RANBP17: variants seen among roughly 807,000 people sequenced by gnomAD.
The protein encoded by RANBP17 is RAN binding protein 17.
Under a neutral mutation model 141.2 loss-of-function variants are expected in RANBP17, and 158 were observed. The ratio of observed to expected loss-of-function variants is 1.12; its 90% CI spans 0.98 to 1.28. The LOEUF is 1.28. Among genes scored for constraint, RANBP17 ranks in the 50% most tolerant of loss-of-function variants. The probability of loss-of-function intolerance (pLI) is 0.00; values close to 1 mark genes in which losing one functional copy is unlikely to be tolerated. For synonymous variants in RANBP17, 430 were observed against 450.0 expected (o/e 0.96, Z 0.56); for missense variants, 1,438 against 1,290.7 (o/e 1.11, Z -1.75).
intron 5 of RANBP17, among the ~76,000 whole-genome samples, chr5:170,904,857 G>A (rs569050385): frequency 6.6e-6 from 1 of 152,058 alleles, no homozygotes; most frequent in African/African-American, 2.4e-5. Context: ...GTAAAAGTAG[G>A]TACTGGGAAT....
chr5:170,968,121 T>A, intron 13 of RANBP17, 121 bp from the exon 14 acceptor site: 1 of 663,022 alleles, frequency 1.5e-6, no homozygotes, highest in Non-Finnish European at 2.3e-6. Flanking sequence ...TTCTTTATAT[T>A]TTTTTATTTT....
chr5:171,079,702 A>G (rs1581579550), intron 14 of RANBP17, among the ~76,000 whole-genome samples: 1 of 152,226 alleles, frequency 6.6e-6, no homozygotes. Flanking sequence ...GCAATAAAGT[A>G]TGTTTTAATT....
intron 14 of RANBP17, among the ~76,000 whole-genome samples, chr5:171,118,415 T>C (rs1246943935): frequency 2.0e-5 from 3 of 152,184 alleles, no homozygotes; most frequent in Admixed American, 2.0e-4. Context: ...TTAGGATTTT[T>C]TTTTCTATTT....
At chr5:170,877,932 C>T (rs966154793) in intron 1 of RANBP17, among the ~76,000 whole-genome samples, 165 bp from the exon 2 acceptor site, 8 of 152,126 alleles carry the variant, frequency 5.3e-5, no homozygotes, top group Non-Finnish European at 8.8e-5. Context: ...AGGAGATGGG[C>T]CTGTTTTGTT....
intron 12 of RANBP17, among the ~76,000 whole-genome samples, chr5:170,940,685 T>C (rs1774253374): frequency 6.6e-6 from 1 of 152,178 alleles, no homozygotes; most frequent in African/African-American, 2.4e-5. Flanking sequence ...ATTGTTGGCA[T>C]ATCAAATAAG....
chr5:171,227,269 A>G (rs145210927), intron 22 of RANBP17, among the ~76,000 whole-genome samples: 14 of 152,404 alleles, frequency 9.2e-5, no homozygotes, highest in Admixed American at 5.9e-4. Context: ...AAAGAAATTA[A>G]AAATTCTACA....
At chr5:171,064,809 C>A (rs576416097) in intron 14 of RANBP17, among the ~76,000 whole-genome samples, 2 of 152,058 alleles carry the variant, frequency 1.3e-5, no homozygotes, top group Non-Finnish European at 2.9e-5. Context: ...ACATGAGTGA[C>A]CATGCCCAGC....
At chr5:171,178,814 G>A (rs1015326164) in intron 16 of RANBP17, among the ~76,000 whole-genome samples, 1 of 152,116 alleles carries the variant, frequency 6.6e-6, no homozygotes, top group South Asian at 2.1e-4. Flanking sequence ...CCACATAAAT[G>A]TCTTCTTTTG....
At chr5:171,146,229 G>A (rs1457170806) in intron 14 of RANBP17, among the ~76,000 whole-genome samples, 1 of 152,196 alleles carries the variant, frequency 6.6e-6, no homozygotes, top group African/African-American at 2.4e-5. Context: ...ATGATAAGCA[G>A]TGTGCCCAAA....
intron 12 of RANBP17, among the ~76,000 whole-genome samples, chr5:170,942,207 C>T (rs568602200): frequency 7.2e-5 from 11 of 152,232 alleles, no homozygotes; most frequent in Admixed American, 2.6e-4. Context: ...CATCACCTCC[C>T]CTTCCTCCCC....
At chr5:171,143,950 G>A (rs1160527933) in intron 14 of RANBP17, among the ~76,000 whole-genome samples, 2 of 152,128 alleles carry the variant, frequency 1.3e-5, no homozygotes, top group African/African-American at 4.8e-5. Flanking sequence ...GACTGGGGGT[G>A]TAAAATACTG....
intron 7 of RANBP17, among the ~76,000 whole-genome samples, chr5:170,911,641 C>A (rs1203977186): frequency 2.6e-5 from 4 of 151,384 alleles, no homozygotes; most frequent in Non-Finnish European, 5.9e-5. Flanking sequence ...GCTTGGAGAT[C>A]AAGTAAGAAA....
intron 12 of RANBP17, among the ~76,000 whole-genome samples, chr5:170,931,351 A>G (rs926028346): frequency 2.6e-5 from 4 of 152,128 alleles, no homozygotes; most frequent in Non-Finnish European, 5.9e-5. Flanking sequence ...TTTTTCTCCC[A>G]TTCTGTAGGT....
At position 171,193,148 on chromosome 5, in the gene RANBP17, A is replaced by T. The variant is rs372240708; in HGVS notation, c.2039-6522A>T. ...GTCTCCTTGTTTATCTCTCCTCTTA[A>T]TTTTCCTTAGTTTGGACCAGAGCTT... On this transcript the variant is annotated intron_variant, in intron 18 of 27. Transcript: ENST00000523189. Among the ~76,000 whole-genome samples the T allele has an allele frequency of 2.0e-5, 3 of 152,116 alleles. No individual in the cohort carries two copies. In the East Asian group the frequency reaches 5.8e-4, roughly 29 times the overall value.
In RANBP17 at chr5:171,063,852, G is replaced by T. The variant is rs559242409; in HGVS notation, c.1710+95475G>T. On this transcript the variant is annotated intron_variant, in intron 14 of 27. Transcript: ENST00000523189. ...TTCCCGGCTGCTTTGTTTACCTAGC[G>T]AGCCTGGGCAATGGCGGGCGCCCCT... 8.4e-4 allele frequency among the ~76,000 whole-genome samples: 128 copies of T among 152,270 alleles called. 1 individual carries two copies. The highest frequency in any genetic ancestry group is 3.0e-3 in the African/African-American group (125 of 41,576).
Position 171,139,595 on chromosome 5 carries a change from A to G in RANBP17, c.1711-30535A>G, listed in dbSNP as rs184336935. Among the ~76,000 whole-genome samples, 199 of 152,162 alleles carry G rather than the reference A, an allele frequency of 1.3e-3. 1 individual carries two copies. The highest frequency in any genetic ancestry group is 4.5e-3 in the African/African-American group (185 of 41,514). The stretch of plus-strand genomic sequence containing the variant: ...TTATTTCATTTCTTCCTTACTCTCT[A>G]CCAAGTTCTACTATATATTTTTTGC... On this transcript the variant is annotated intron_variant, in intron 14 of 27. Transcript: ENST00000523189.
intron 14 of RANBP17, among the ~76,000 whole-genome samples, chr5:171,140,329 C>T (rs1470190781): frequency 6.6e-6 from 1 of 152,192 alleles, no homozygotes; most frequent in East Asian, 1.9e-4. Context: ...CAGCATCTGG[C>T]ACAGTACTCA....
chr5:171,023,834 A>G (rs1309280763), intron 14 of RANBP17, among the ~76,000 whole-genome samples: 1 of 152,078 alleles, frequency 6.6e-6, no homozygotes, highest in African/African-American at 2.4e-5. Flanking sequence ...TTTTCTCTGT[A>G]GTTTGGAATG....
At chr5:170,970,317 G>A (rs1409706389) in intron 14 of RANBP17, among the ~76,000 whole-genome samples, 1 of 151,810 alleles carries the variant, frequency 6.6e-6, no homozygotes, top group African/African-American at 2.4e-5. Flanking sequence ...ATTAATGCGT[G>A]CTTATTTTGT....
Sources: gnomAD v4.1 joint callset for allele counts (sites outside exome capture counted in the v4.1 genomes callset) on GRCh38, gnomAD v4.1.1 for gene constraint, MANE v1.5 for transcripts, NCBI Gene and HGNC (gene_info 2026-07-23, HGNC 2026-07-21) for gene names.